GPM6A: variants seen among roughly 807,000 people sequenced by gnomAD.
The protein encoded by GPM6A is neuronal membrane glycoprotein M6-a.
A neutral mutation model predicts 32.1 loss-of-function variants in GPM6A; 7 were observed. The observed-to-expected ratio is 0.22, with a 90% confidence interval of 0.12 to 0.41. The LOEUF (loss-of-function observed/expected upper bound fraction) is 0.41. Ranked by LOEUF, GPM6A falls within the 10% of genes least tolerant of loss-of-function variation. The probability of loss-of-function intolerance (pLI) is 1.00; values close to 1 mark genes in which losing one functional copy is unlikely to be tolerated. For missense variants in GPM6A, 235 were observed against 347.2 expected (o/e 0.68, Z 2.57); for synonymous variants, 130 against 123.4 (o/e 1.05, Z -0.35).
At chr4:175,741,309 T>C (rs75674597) in intron 1 of GPM6A, among the ~76,000 whole-genome samples, 2,960 of 152,200 alleles carry the variant, frequency 0.019, 53 homozygotes, top group Non-Finnish European at 0.031. Context: ...AAAACCACTG[T>C]CTATTCTGCC....
intron 1 of GPM6A, among the ~76,000 whole-genome samples, chr4:175,759,461 T>A (rs979526629): frequency 6.6e-6 from 1 of 152,196 alleles, no homozygotes; most frequent in Non-Finnish European, 1.5e-5. Context: ...GCTAAATAAT[T>A]TTTGTTATGA....
intron 3 of GPM6A, among the ~76,000 whole-genome samples, chr4:175,666,732 T>C (rs1455894362): frequency 1.3e-5 from 2 of 152,206 alleles, no homozygotes; most frequent in Non-Finnish European, 2.9e-5. Flanking sequence ...CATATTTTCC[T>C]TGTCGAGTGT....
chr4:175,741,627 T>A (rs1329737155), intron 1 of GPM6A, among the ~76,000 whole-genome samples: 1 of 152,154 alleles, frequency 6.6e-6, no homozygotes, highest in Non-Finnish European at 1.5e-5. Context: ...TTTATATTTC[T>A]ATCAACAAAC....
Position 176,001,252 on chromosome 4 carries a change from GA to G in GPM6A, c.-23+1056del, listed in dbSNP as rs371176985. Among the ~76,000 whole-genome samples, 356 of 152,312 alleles carry G rather than the reference GA, an allele frequency of 2.3e-3. 1 individual carries two copies. The highest frequency in any genetic ancestry group is 3.3e-3 in the Non-Finnish European group (223 of 68,016). On this transcript the variant is annotated intron_variant, in intron 1 of 7. Coordinates refer to the GPM6A transcript ENST00000280187. ...ATCCCTCACAACAAAGGACAAGGGA[GA>G]AGCAAGGGGGAGGGGCGCCCAGTGG...
intron 1 of GPM6A, among the ~76,000 whole-genome samples, chr4:175,946,806 C>G (rs1321424888): frequency 1.3e-5 from 2 of 152,050 alleles, no homozygotes; most frequent in African/African-American, 4.8e-5. Context: ...ATGCCTTTAT[C>G]CTACCATCAC....
intron 4 of GPM6A, among the ~76,000 whole-genome samples, chr4:175,650,037 A>T (rs890605900): frequency 1.3e-5 from 2 of 152,152 alleles, no homozygotes; most frequent in Non-Finnish European, 2.9e-5. Flanking sequence ...GACCTCCAGT[A>T]GCATTTGCTG....
intron 1 of GPM6A, among the ~76,000 whole-genome samples, chr4:175,871,897 C>T (rs1001569787): frequency 1.3e-5 from 2 of 152,026 alleles, no homozygotes; most frequent in African/African-American, 4.8e-5. Flanking sequence ...CCAAGGAGAT[C>T]ATAGATCATT....
At chr4:175,750,665 C>T (rs1409721865) in intron 1 of GPM6A, among the ~76,000 whole-genome samples, 2 of 152,072 alleles carry the variant, frequency 1.3e-5, no homozygotes, top group Non-Finnish European at 2.9e-5. Flanking sequence ...CTCCACCTCC[C>T]GGGTTCAAGA....
At chr4:175,776,403 G>A (rs924899808) in intron 1 of GPM6A, among the ~76,000 whole-genome samples, 19 of 152,124 alleles carry the variant, frequency 1.2e-4, no homozygotes, top group African/African-American at 3.1e-4. Flanking sequence ...CGTGAGGAAC[G>A]GAATCAGGAA....
At chr4:175,734,229 A>T (rs1391392339) in intron 1 of GPM6A, among the ~76,000 whole-genome samples, 1 of 151,272 alleles carries the variant, frequency 6.6e-6, no homozygotes, top group Non-Finnish European at 1.5e-5. Flanking sequence ...TTGTACTTTT[A>T]TTAAAGGTTC....
intron 6 of GPM6A, among the ~76,000 whole-genome samples, chr4:175,638,194 T>A (rs1266534530): frequency 6.6e-6 from 1 of 151,350 alleles, no homozygotes; most frequent in Non-Finnish European, 1.5e-5. Flanking sequence ...TATTCTCAAT[T>A]TTTAATATTA....
intron 1 of GPM6A, among the ~76,000 whole-genome samples, chr4:175,742,520 C>T (rs1731927887): frequency 6.6e-6 from 1 of 152,106 alleles, no homozygotes; most frequent in Admixed American, 6.6e-5. Context: ...TATTGAATTT[C>T]ACTGTATTAA....
rs373590330 is a variant in GPM6A, at chr4:175,893,652, T to G, written c.-22-81403A>C. Among the ~76,000 whole-genome samples, 27 of 152,306 alleles carry G rather than the reference T, an allele frequency of 1.8e-4. No homozygotes were observed. In the East Asian group the frequency reaches 2.3e-3, roughly 13 times the overall value. The stretch of plus-strand genomic sequence containing the variant: ...CCCCTGAATAGATAATATTCCTTCT[T>G]AATGTCTTATAAGACAGGTGGGGAT... On this transcript the variant is annotated intron_variant, in intron 1 of 7. Coordinates refer to the GPM6A transcript ENST00000280187.
At chr4:175,894,965 A>T (rs992784501) in intron 1 of GPM6A, among the ~76,000 whole-genome samples, 2 of 152,170 alleles carry the variant, frequency 1.3e-5, no homozygotes, top group African/African-American at 4.8e-5. Context: ...CTGCTTCCCA[A>T]ATCAGTATAC....
intron 1 of GPM6A, among the ~76,000 whole-genome samples, chr4:175,913,710 C>T (rs1368666634): frequency 1.3e-5 from 2 of 152,022 alleles, no homozygotes; most frequent in Non-Finnish European, 2.9e-5. Flanking sequence ...CTGCCCCATC[C>T]CTTCATCTCC....
At chr4:175,941,670 G>T (rs187584539) in intron 1 of GPM6A, among the ~76,000 whole-genome samples, 47 of 152,212 alleles carry the variant, frequency 3.1e-4, no homozygotes, top group Admixed American at 2.2e-3. Context: ...GTGTTAGTTT[G>T]CTGAGAATGA....
At chr4:175,981,838 C>A (rs949005860) in intron 1 of GPM6A, among the ~76,000 whole-genome samples, 1 of 152,038 alleles carries the variant, frequency 6.6e-6, no homozygotes, top group Non-Finnish European at 1.5e-5. Context: ...ATTTAGCAGT[C>A]CCACAACGAT....
rs114594690 is a variant in GPM6A at position 175,959,638 on chromosome 4, G to T, written c.-23+42671C>A. On this transcript the variant is annotated intron_variant, in intron 1 of 7. Transcript: ENST00000280187. Reference sequence around the variant, plus strand: ...TTTTAAGACTAGGCTTTGCTACTCTGTGTGACAAAAGAGTCAATTATTGAA... The same window carrying T: ...TTTTAAGACTAGGCTTTGCTACTCTTTGTGACAAAAGAGTCAATTATTGAA... Among the ~76,000 whole-genome samples, 1,071 of 152,270 alleles carry T rather than the reference G, an allele frequency of 7.0e-3. 10 individuals are homozygous for T. The highest frequency in any genetic ancestry group is 0.024 in the African/African-American group (1,017 of 41,534).
intron 1 of GPM6A, among the ~76,000 whole-genome samples, chr4:175,944,933 A>AT (rs1181347225): frequency 6.6e-6 from 1 of 152,098 alleles, no homozygotes; most frequent in Non-Finnish European, 1.5e-5. Context: ...CTTCATGTAC[A>AT]TTTTTTTGTT....
Sources: gnomAD v4.1 joint callset for allele counts (sites outside exome capture counted in the v4.1 genomes callset) on GRCh38, gnomAD v4.1.1 for gene constraint, MANE v1.5 for transcripts, NCBI Gene and HGNC (gene_info 2026-07-23, HGNC 2026-07-21) for gene names.